SIDT1: variants seen among roughly 807,000 people sequenced by gnomAD.
SIDT1 encodes the protein SID1 transmembrane family, member 1.
A neutral mutation model predicts 107.5 loss-of-function variants in SIDT1; 101 were observed. That is an observed-to-expected ratio of 0.94 (90% CI 0.80 to 1.11). The LOEUF (loss-of-function observed/expected upper bound fraction) is 1.11, where lower values mean the gene tolerates loss of function less well. SIDT1 is among the 50% of genes least tolerant of loss of function. The probability of loss-of-function intolerance (pLI) is 0.00; values close to 1 mark genes in which losing one functional copy is unlikely to be tolerated. For missense variants in SIDT1, 1,076 were observed against 1,058.2 expected, an observed-to-expected ratio of 1.02 and a Z score of -0.23; for synonymous variants, 395 against 398.2, an observed-to-expected ratio of 0.99 and a Z score of 0.10.
At chr3:113,622,324 C>T (rs188147161) in intron 21 of SIDT1, among the ~76,000 whole-genome samples, 4 of 151,672 alleles carry the variant, frequency 2.6e-5, no homozygotes, top group Admixed American at 6.6e-5. Context: ...ATTAGCTGGG[C>T]GTGGTGGCAT....
chr3:113,617,596 A>G (rs186266561), intron 20 of SIDT1, among the ~76,000 whole-genome samples: 101 of 152,320 alleles, frequency 6.6e-4, no homozygotes, highest in Admixed American at 1.1e-3. Flanking sequence ...CACTAAAAAC[A>G]AGGGAATTGA....
At chr3:113,606,832 A>G in intron 14 of SIDT1, 1 of 488,904 alleles carries the variant, frequency 2.0e-6, no homozygotes, top group East Asian at 3.0e-5. Flanking sequence ...GAATATTCCC[A>G]TTCAAAGCAA....
rs764305620 is a variant in SIDT1 at position 113,611,105 on chromosome 3, C to T, written c.1818C>T (p.Ala606=). Residue 606 remains alanine (A), a synonymous_variant, in exon 18 of 25, where the codon GCC becomes GCT. Coordinates refer to ENST00000264852, the MANE Select transcript of SIDT1 (RefSeq NM_017699.3). ...DINASAYSAY[A]SFAVVIMVTV... ...ATGCCAGCGCCTACTCTGCCTATGC[C>T]TCCTTTGCTGTGGTCATCATGGTCA... 5.0e-6 allele frequency: 8 copies of T among 1,614,044 alleles called. No homozygotes were observed. The Admixed American group carries it at 1.0e-4, about 20-fold the overall frequency.
At chr3:113,612,435 A>C in intron 19 of SIDT1, 1 of 582,952 alleles carries the variant, frequency 1.7e-6, no homozygotes, top group Admixed American at 2.2e-5. Context: ...CACACCTCAG[A>C]GATGAGTTGT....
intron 1 of SIDT1, among the ~76,000 whole-genome samples, chr3:113,560,673 A>C (rs898361723): frequency 1.3e-5 from 2 of 152,208 alleles, no homozygotes; most frequent in Admixed American, 1.3e-4. Context: ...ATACGGGAAA[A>C]CAGTGGTGTA....
At chr3:113,582,262 T>G (rs1394433847) in intron 6 of SIDT1, among the ~76,000 whole-genome samples, 1 of 152,192 alleles carries the variant, frequency 6.6e-6, no homozygotes, top group Non-Finnish European at 1.5e-5. Flanking sequence ...TCAAGGAGAT[T>G]CTGTCCCTGC....
At chr3:113,625,565 T>C (rs1946796001) in intron 23 of SIDT1, among the ~76,000 whole-genome samples, 1 of 152,252 alleles carries the variant, frequency 6.6e-6, no homozygotes, top group Non-Finnish European at 1.5e-5. Context: ...CATCTGTTAT[T>C]GCCTGTCTTT....
chr3:113,539,582 CA>C (rs1938573071), intron 1 of SIDT1, among the ~76,000 whole-genome samples: 1 of 152,164 alleles, frequency 6.6e-6, no homozygotes, highest in African/African-American at 2.4e-5. Context: ...ACTTCCAATT[CA>C]AATTCAGAAA....
intron 1 of SIDT1, among the ~76,000 whole-genome samples, chr3:113,551,721 T>C (rs957538897): frequency 1.3e-5 from 2 of 152,132 alleles, no homozygotes; most frequent in African/African-American, 4.8e-5. Flanking sequence ...TAAGTAAAAC[T>C]ATAAAGTTGT....
intron 8 of SIDT1, 151 bp downstream of exon 8, chr3:113,584,920 T>A: frequency 3.0e-6 from 2 of 657,854 alleles, no homozygotes; most frequent in South Asian, 4.2e-5. Context: ...TCAGAGCATT[T>A]TGTTAAATCC....
the SIDT1 span, among the ~76,000 whole-genome samples, chr3:113,635,409 G>C: frequency 6.6e-6 from 1 of 152,188 alleles, no homozygotes; most frequent in African/African-American, 2.4e-5. Flanking sequence ...CTCCAAAGCT[G>C]CCTCCAAAAC....
At chr3:113,554,128 G>C (rs933619989) in intron 1 of SIDT1, among the ~76,000 whole-genome samples, 2 of 152,144 alleles carry the variant, frequency 1.3e-5, no homozygotes, top group African/African-American at 4.8e-5. Context: ...GGAGTGAGAG[G>C]CAAAAGTAGC....
chr3:113,625,157 G>A (rs1049310056), intron 23 of SIDT1, among the ~76,000 whole-genome samples: 1 of 142,708 alleles, frequency 7.0e-6, no homozygotes, highest in Non-Finnish European at 1.5e-5. Context: ...GGGGCGGGGG[G>A]ACGGGGTCTC....
At chr3:113,563,216 G>A (rs1426924663) in intron 1 of SIDT1, among the ~76,000 whole-genome samples, 6 of 152,218 alleles carry the variant, frequency 3.9e-5, no homozygotes, top group East Asian at 1.9e-4. Context: ...ATTCAACTCC[G>A]TGGAGAAAAG....
intron 1 of SIDT1, among the ~76,000 whole-genome samples, chr3:113,536,560 A>G (rs1938195218): frequency 6.6e-6 from 1 of 152,238 alleles, no homozygotes; most frequent in Non-Finnish European, 1.5e-5. Context: ...GTTTAGGCTT[A>G]AAGACAGGAA....
At chr3:113,632,082 T>A (rs1331049857), downstream of SIDT1, among the ~76,000 whole-genome samples, 1 of 152,148 alleles carries the variant, frequency 6.6e-6, no homozygotes, top group Non-Finnish European at 1.5e-5. Flanking sequence ...TATAAAAGAA[T>A]CTTGAAGTCA....
At chr3:113,560,055 G>C (rs1045850647) in intron 1 of SIDT1, among the ~76,000 whole-genome samples, 7 of 152,170 alleles carry the variant, frequency 4.6e-5, no homozygotes, top group Non-Finnish European at 8.8e-5. Flanking sequence ...AGTCATGATT[G>C]TTCCATCGCT....
chr3:113,620,025 T>TTAGATAGATAGATAGATAGATAGATAGA (rs368090867), intron 21 of SIDT1: 9 of 246,156 alleles, frequency 3.7e-5, no homozygotes, highest in East Asian at 2.9e-4. Context: ...AGTTGAATGG[T>TTAGATAGATAGATAGATAGATAGATAGA]TAGATAGATA....
At chr3:113,568,486 C>T (rs191091073) in intron 3 of SIDT1, among the ~76,000 whole-genome samples, 32 of 151,258 alleles carry the variant, frequency 2.1e-4, no homozygotes, top group African/African-American at 7.3e-4. Flanking sequence ...CCCAGCTACT[C>T]GGGAGGCTGA....
Sources: allele counts gnomAD v4.1 joint callset (sites outside exome capture counted in the v4.1 genomes callset), GRCh38; gene constraint gnomAD v4.1.1; transcripts MANE v1.5; gene names NCBI Gene and HGNC (gene_info 2026-07-23, HGNC 2026-07-21).